The following CD8B variants were observed in gnomAD, a reference collection of about 807,000 sequenced individuals.
The protein encoded by CD8B is CD8 subunit beta, also known as T-cell surface glycoprotein CD8 beta chain.
In CD8B, 6 loss-of-function variants were observed where a neutral mutation model predicts 24.2. The observed-to-expected ratio is 0.25, with a 90% CI of 0.14 to 0.49. The LOEUF (loss-of-function observed/expected upper bound fraction) is 0.49, where lower values mean the gene tolerates loss of function less well. CD8B is among the 20% of genes least tolerant of loss of function. The probability of loss-of-function intolerance (pLI) is 0.98; values close to 1 mark genes in which losing one functional copy is unlikely to be tolerated. For missense variants in CD8B, 196 were observed against 271.3 expected (o/e 0.72, Z 1.95); for synonymous variants, 84 against 108.3 (o/e 0.78, Z 1.39).
At chr2:86,856,462 T>C (rs1676263913) in intron 2 of CD8B, among the ~76,000 whole-genome samples, 2 of 152,210 alleles carry the variant, frequency 1.3e-5, no homozygotes, top group Admixed American at 6.5e-5. Context: ...CCTCAGCTTC[T>C]TGCCTGCAAT....
chr2:86,815,641 T>G, exon 6 of CD8B: 6 of 1,613,276 alleles, frequency 3.7e-6, no homozygotes, highest in Non-Finnish European at 3.4e-6. Flanking sequence ...AAGCAGCTTC[T>G]GTGAGGTTGT....
At chr2:86,815,728 A>G (rs775439848) in intron 5 of CD8B, 3 of 1,416,742 alleles carry the variant, frequency 2.1e-6, no homozygotes, top group Non-Finnish European at 3.0e-6. Context: ...CCTTGCAAAA[A>G]GAAAAACAAG....
rs191667071 is a variant in CD8B at position 86,845,616 on chromosome 2, A to G, written c.584-658T>C. Among the ~76,000 whole-genome samples, 224 of 152,354 alleles carry G rather than the reference A, an allele frequency of 1.5e-3. No individual in the cohort carries two copies. The Middle Eastern group carries it at 0.02, about 14-fold the overall frequency. The stretch of plus-strand genomic sequence containing the variant: ...TTCATTTTGAAGCACATTTAATAAC[A>G]TACATAAAATATTAAATAAGTAAAT... On this transcript the variant is annotated intron_variant, in intron 4 of 5. Transcript: ENST00000390655.
intron 4 of CD8B, among the ~76,000 whole-genome samples, chr2:86,845,688 C>T (rs1226190853): frequency 1.3e-5 from 2 of 152,134 alleles, no homozygotes; most frequent in African/African-American, 2.4e-5. Flanking sequence ...TAGCTGTATT[C>T]GCTTATTTAA....
Position 86,845,084 on chromosome 2 carries a change from T to C in CD8B, c.584-126A>G, listed in dbSNP as rs1205827491. ...AGCCCACCTCCCTGGTCCCAGACCC[T>C]GGCCCAAACACTTTACACATTTTAA... is the stretch of plus-strand genomic sequence containing the variant. On this transcript the variant is annotated intron_variant, in intron 4 of 5. Transcript: ENST00000390655. The C allele has an allele frequency of 6.8e-6, 9 of 1,314,324 alleles. No individual in the cohort carries two copies. The Admixed American group carries it at 1.9e-4, about 28-fold the overall frequency. 81.4% of individuals were successfully genotyped at this position (1,314,324 alleles called of 1,614,324 possible). A position where few individuals can be genotyped will look rare whatever the true frequency, so the allele number is the denominator to read the frequency against.
At position 86,823,275 on chromosome 2, in the gene CD8B, ATTTTT is replaced by A. The variant is rs1165462608; in HGVS notation, c.621-7562_621-7558del. On this transcript the variant is annotated intron_variant, in intron 5 of 5. Coordinates refer to the CD8B transcript ENST00000331469. ...AATCATTTTTTAAAACTTAAAAAAA[ATTTTT>A]AATTAATTTTTTTGAGACAGTCTCA... 3.6e-4 allele frequency among the ~76,000 whole-genome samples: 53 copies of A among 146,742 alleles called. No homozygotes were observed. In the Middle Eastern group the frequency reaches 0.011, roughly 29 times the overall value.
At chr2:86,816,187 G>C (rs59955770) in intron 5 of CD8B, among the ~76,000 whole-genome samples, 14,666 of 152,166 alleles carry the variant, frequency 0.096, 2,199 homozygotes, top group African/African-American at 0.32. Context: ...ACTTCAGAGA[G>C]GTCCCCATGC....
chr2:86,839,185 AT>A lies in CD8B; in HGVS notation c.*3121del, dbSNP rs1675305237. Among the ~76,000 whole-genome samples the A allele has an allele frequency of 6.6e-6, 1 of 152,234 alleles. No individual in the cohort carries two copies. Among genetic ancestry groups the A allele is most frequent in the Non-Finnish European group, 1.5e-5 (1 of 68,036 alleles). ...ATCTATACAGATGTTTTAAAAATAT[AT>A]GCATTTGTCATAACCATCATTTGAT... On this transcript the variant is annotated 3_prime_UTR_variant, in exon 6 of 6. Transcript: ENST00000390655.
In CD8B at chr2:86,842,797, T is replaced by G. The variant is rs371172468; in HGVS notation, c.621-478A>C. Among the ~76,000 whole-genome samples the G allele has an allele frequency of 2.0e-4, 31 of 152,274 alleles. No homozygotes were observed. The East Asian group carries it at 3.3e-3, about 16-fold the overall frequency. On this transcript the variant is annotated intron_variant, in intron 5 of 5. Coordinates refer to ENST00000390655, the MANE Select transcript of CD8B (RefSeq NM_004931.5). ...GAAGCCACAAACCCTTTTGTTCAAA[T>G]GACATGTTACAGGTAAGTGTAAACC...
chr2:86,828,885 G>T (rs533713667), intron 5 of CD8B, among the ~76,000 whole-genome samples: 5 of 148,898 alleles, frequency 3.4e-5, no homozygotes, highest in South Asian at 4.2e-4. Flanking sequence ...ACAGTAATTT[G>T]TTTCTTGTCA....
At chr2:86,835,985 T>G (rs1402700737), downstream of CD8B, among the ~76,000 whole-genome samples, 3 of 151,854 alleles carry the variant, frequency 2.0e-5, no homozygotes, top group African/African-American at 4.8e-5. Flanking sequence ...CTGAGCCAAA[T>G]CTTTAGTGTC....
rs1419504622 is a variant in CD8B, at chr2:86,841,951, G to A, written c.*356C>T. ...GACCCAATGTTACTGCCCTACCAGG[G>A]CAAAGCAACCTGCAAAGATGGTGGC... On this transcript the variant is annotated 3_prime_UTR_variant, in exon 6 of 6. Coordinates refer to ENST00000390655, the MANE Select transcript of CD8B (RefSeq NM_004931.5). 1.5e-5 allele frequency: 16 copies of A among 1,036,320 alleles called. No homozygotes were observed. The highest frequency in any genetic ancestry group is 1.8e-4 in the East Asian group (2 of 11,402). 64.2% of individuals were successfully genotyped at this position (1,036,320 alleles called of 1,614,324 possible). A position where few individuals can be genotyped will look rare whatever the true frequency, so the allele number is the denominator to read the frequency against.
intron 2 of CD8B, among the ~76,000 whole-genome samples, chr2:86,855,809 G>T (rs1290548090): frequency 1.3e-5 from 2 of 152,212 alleles, no homozygotes; most frequent in Non-Finnish European, 2.9e-5. Context: ...GCCCAGAGGG[G>T]AGCCAACTCT....
At position 86,852,542 on chromosome 2, in the gene CD8B, CA is replaced by C. The variant is rs1676026831; in HGVS notation, c.493+454del. 2.0e-5 allele frequency among the ~76,000 whole-genome samples: 3 copies of C among 151,910 alleles called. No homozygotes were observed. In the South Asian group the frequency reaches 6.3e-4, roughly 32 times the overall value. ...GCAACCAATCTACATTCTGTCTCTA[CA>C]GAGGATCATATGCTGGATATTCCAT... On this transcript the variant is annotated intron_variant, in intron 3 of 5. Coordinates refer to ENST00000390655, the MANE Select transcript of CD8B (RefSeq NM_004931.5).
rs76569986 is a variant in CD8B, at chr2:86,824,435, T to G, written c.621-8717A>C. On this transcript the variant is annotated intron_variant, in intron 5 of 5. Coordinates refer to the CD8B transcript ENST00000331469. ...CAGGAAAGCAATTGTTACCTCTAAT[T>G]TTTAGGAGGCCAAAGGGCAAGAAGC... Among the ~76,000 whole-genome samples, 1,368 of 152,232 alleles carry G rather than the reference T, an allele frequency of 9.0e-3. 21 individuals are homozygous for G. Among genetic ancestry groups the G allele is most frequent in the African/African-American group, 0.031 (1,284 of 41,522 alleles).
chr2:86,848,688 T>C (rs1256059952), intron 3 of CD8B, among the ~76,000 whole-genome samples: 1 of 82,426 alleles, frequency 1.2e-5, no homozygotes. Flanking sequence ...AAGAAAGGTA[T>C]TGGTATTTTT....
At chr2:86,826,160 A>G (rs1674679441) in intron 5 of CD8B, among the ~76,000 whole-genome samples, 1 of 151,956 alleles carries the variant, frequency 6.6e-6, no homozygotes, top group Admixed American at 6.6e-5. Flanking sequence ...TGCAGGCAAC[A>G]TGAGAGTCTG....
At chr2:86,819,202 G>A (rs370455790) in intron 5 of CD8B, among the ~76,000 whole-genome samples, 3 of 152,306 alleles carry the variant, frequency 2.0e-5, no homozygotes, top group African/African-American at 4.8e-5. Context: ...AGAAGCAGGT[G>A]CTAATATAGA....
At chr2:86,834,489 A>ACACACACACAC, downstream of CD8B, among the ~76,000 whole-genome samples, 1 of 94,176 alleles carries the variant, frequency 1.1e-5, no homozygotes, top group Admixed American at 1.0e-4. Context: ...CACACACACA[A>ACACACACACAC]AAGTCTTAAC....
Sources: allele counts gnomAD v4.1 joint callset (sites outside exome capture counted in the v4.1 genomes callset), GRCh38; gene constraint gnomAD v4.1.1; transcripts MANE v1.5; gene names NCBI Gene and HGNC (gene_info 2026-07-23, HGNC 2026-07-21).